The following RB1 variants were observed in gnomAD, a reference collection of about 807,000 sequenced individuals.
RB1 encodes the protein retinoblastoma-associated protein.
A neutral mutation model predicts 135.4 loss-of-function variants in RB1; 18 were observed. The observed-to-expected ratio is 0.13, with a 90% CI of 0.09 to 0.20. The LOEUF (loss-of-function observed/expected upper bound fraction) is 0.20, where lower values mean the gene tolerates loss of function less well. RB1 is among the 10% of genes least tolerant of loss of function. The pLI, the probability that RB1 is intolerant of heterozygous loss-of-function variation, is 1.00. For missense variants in RB1, 868 were observed against 1,110.0 expected (o/e 0.78, Z 3.10); for synonymous variants, 365 against 373.2 (o/e 0.98, Z 0.25).
intron 17 of RB1, among the ~76,000 whole-genome samples, chr13:48,429,847 T>G (rs935498134): frequency 6.6e-6 from 1 of 152,170 alleles, no homozygotes; most frequent in African/African-American, 2.4e-5. Flanking sequence ...AGGAATAAGC[T>G]TAATAGGCAA....
At chr13:48,388,896 C>T (rs1327346853) in intron 17 of RB1, among the ~76,000 whole-genome samples, 1 of 151,944 alleles carries the variant, frequency 6.6e-6, no homozygotes, top group Non-Finnish European at 1.5e-5. Context: ...GCAATGGCTC[C>T]CGCCTGTAAT....
At chr13:48,462,913 G>A (rs1005356366) in intron 20 of RB1, among the ~76,000 whole-genome samples, 16 of 150,618 alleles carry the variant, frequency 1.1e-4, no homozygotes, top group Middle Eastern at 3.4e-3. Flanking sequence ...TTTATTTCTG[G>A]ACTCTCAATT....
At chr13:48,350,074 C>T (rs1260368009) in intron 6 of RB1, among the ~76,000 whole-genome samples, 1 of 152,016 alleles carries the variant, frequency 6.6e-6, no homozygotes, top group East Asian at 1.9e-4. Flanking sequence ...GAGACATAGG[C>T]CCCAATACAA....
intron 2 of RB1, among the ~76,000 whole-genome samples, chr13:48,324,849 T>TG (rs1952272481): frequency 7.0e-6 from 1 of 143,362 alleles, no homozygotes; most frequent in Non-Finnish European, 1.6e-5. Flanking sequence ...TTTTGTTTTT[T>TG]TTTTGTTTGT....
intron 21 of RB1, among the ~76,000 whole-genome samples, chr13:48,464,071 A>C (rs1280256203): frequency 6.6e-6 from 1 of 152,196 alleles, no homozygotes; most frequent in East Asian, 1.9e-4. Context: ...TTAATAAATA[A>C]TATTTTATCC....
intron 11 of RB1, among the ~76,000 whole-genome samples, chr13:48,372,486 C>T (rs945939506): frequency 6.6e-6 from 1 of 151,856 alleles, no homozygotes; most frequent in Non-Finnish European, 1.5e-5. Flanking sequence ...GGCAAAACCC[C>T]GTCTCTACTA....
chr13:48,465,814 C>T (rs1194524154), intron 23 of RB1, among the ~76,000 whole-genome samples: 1 of 151,090 alleles, frequency 6.6e-6, no homozygotes, highest in Non-Finnish European at 1.5e-5. Flanking sequence ...CCTGGAAAAT[C>T]GGGTCACTCC....
intron 17 of RB1, among the ~76,000 whole-genome samples, chr13:48,388,443 A>G (rs955641121): frequency 6.6e-6 from 1 of 152,222 alleles, no homozygotes; most frequent in Non-Finnish European, 1.5e-5. Context: ...ATTATGGACC[A>G]TAAAAAATGC....
In RB1 at chr13:48,319,946, G is replaced by A. The variant is rs549895878; in HGVS notation, c.264+12540G>A. The A allele has an allele frequency of 1.2e-4, 41 of 344,276 alleles. No homozygotes were observed. The highest frequency in any genetic ancestry group is 7.8e-4 in the African/African-American group (36 of 46,368). The allele number at this position is 344,276 out of a possible 1,614,324, so 21.3% of individuals were successfully genotyped here. On this transcript the variant is annotated intron_variant, in intron 2 of 26. Coordinates refer to ENST00000267163, the MANE Select transcript of RB1 (RefSeq NM_000321.3). The surrounding 1 kb of genome is among the most constrained non-coding windows in gnomAD (Gnocchi z 5.0). ...AGTTTTGGGGGGACACACGGAAGTC[G>A]GGGCACTGCCGTGAGATAGTTCTGG...
chr13:48,332,637 G>A (rs1170835229), intron 2 of RB1, among the ~76,000 whole-genome samples: 2 of 152,178 alleles, frequency 1.3e-5, no homozygotes, highest in African/African-American at 4.8e-5. Flanking sequence ...CAGCATGGTT[G>A]ATTATAGTTA....
intron 17 of RB1, among the ~76,000 whole-genome samples, chr13:48,418,723 A>AT (rs1948957094): frequency 1.3e-5 from 2 of 150,858 alleles, no homozygotes; most frequent in South Asian, 4.2e-4. Flanking sequence ...AAAAAAAAAA[A>AT]GCAGGGGTTG....
intron 14 of RB1, 31 bp from the exon 15 acceptor site, chr13:48,380,019 ACTT>A (rs1948518474): frequency 5.7e-6 from 7 of 1,237,518 alleles, no homozygotes; most frequent in Admixed American, 2.9e-5. Flanking sequence ...CAATTAAACA[ACTT>A]CTTTTTTTTT....
intron 17 of RB1, among the ~76,000 whole-genome samples, chr13:48,413,372 G>T (rs1948852598): frequency 6.6e-6 from 1 of 152,102 alleles, no homozygotes; most frequent in Admixed American, 6.5e-5. Context: ...TGTTTCAGTA[G>T]TAATAATTGA....
chr13:48,362,447 T>G (rs1357241577), intron 7 of RB1, among the ~76,000 whole-genome samples: 1 of 152,132 alleles, frequency 6.6e-6, no homozygotes, highest in Non-Finnish European at 1.5e-5. Flanking sequence ...AGAAATTGAA[T>G]TCAGAAATAT....
At chr13:48,378,780 C>T (rs1948504563) in intron 13 of RB1, among the ~76,000 whole-genome samples, 1 of 152,034 alleles carries the variant, frequency 6.6e-6, no homozygotes, top group Non-Finnish European at 1.5e-5. Flanking sequence ...TAATGTAATG[C>T]ATTGCACTAC....
intron 2 of RB1, among the ~76,000 whole-genome samples, chr13:48,311,410 G>A (rs761821732): frequency 1.3e-5 from 2 of 152,152 alleles, no homozygotes; most frequent in Non-Finnish European, 2.9e-5. Flanking sequence ...GAACATCATA[G>A]CATGTACTTA....
chr13:48,376,582 T>C (rs1952827001), intron 12 of RB1, among the ~76,000 whole-genome samples: 1 of 151,794 alleles, frequency 6.6e-6, no homozygotes, highest in African/African-American at 2.4e-5. Context: ...GGAAGCAACA[T>C]ACATCCCAAT....
intron 17 of RB1, chr13:48,406,510 T>C (rs1948741347): frequency 6.6e-6 from 1 of 152,226 alleles, no homozygotes; most frequent in Non-Finnish European, 1.5e-5. Context: ...CAAATGCATC[T>C]CTACCCTGTA....
intron 17 of RB1, among the ~76,000 whole-genome samples, chr13:48,395,276 C>T (rs1025124724): frequency 1.3e-5 from 2 of 152,126 alleles, no homozygotes; most frequent in Non-Finnish European, 1.5e-5. Flanking sequence ...GTAGATAAAT[C>T]CATGAAGATG....
Sources: gnomAD v4.1 joint callset for allele counts (sites outside exome capture counted in the v4.1 genomes callset) on GRCh38, gnomAD v4.1.1 for gene constraint, Gnocchi (gnomAD v3.1) non-coding constraint, MANE v1.5 for transcripts, NCBI Gene and HGNC (gene_info 2026-07-23, HGNC 2026-07-21) for gene names.